The following FER variants were observed in gnomAD, a reference collection of about 807,000 sequenced individuals.
The protein encoded by FER is tyrosine-protein kinase Fer.
In FER, 63 loss-of-function variants were observed where a neutral mutation model predicts 111.0. That is an observed-to-expected ratio of 0.57 (90% CI 0.46 to 0.70). The LOEUF (loss-of-function observed/expected upper bound fraction) is 0.70, where lower values mean the gene tolerates loss of function less well. Among genes scored for constraint, FER ranks in the 30% least tolerant of loss-of-function variants. The probability of loss-of-function intolerance (pLI) is 0.00; values close to 1 mark genes in which losing one functional copy is unlikely to be tolerated. For missense variants in FER, 914 were observed against 954.0 expected (o/e 0.96, Z 0.55); for synonymous variants, 327 against 313.9 (o/e 1.04, Z -0.44).
intron 6 of FER, 62 bp from the exon 7 acceptor site, chr5:108,871,303 T>C (rs1764576367): frequency 7.3e-7 from 1 of 1,372,486 alleles, no homozygotes; most frequent in Admixed American, 1.9e-5. Context: ...TGAATCCTTT[T>C]TGAGATAGTA....
At chr5:108,933,940 A>G (rs1440412878) in intron 10 of FER, among the ~76,000 whole-genome samples, 2 of 152,120 alleles carry the variant, frequency 1.3e-5, no homozygotes, top group Non-Finnish European at 1.5e-5. Flanking sequence ...TGATTTTTGT[A>G]CACTGATTTT....
chr5:109,075,381 A>G (rs1311506736), intron 16 of FER, among the ~76,000 whole-genome samples: 1 of 151,712 alleles, frequency 6.6e-6, no homozygotes, highest in African/African-American at 2.4e-5. Flanking sequence ...ATTATTTTCT[A>G]GATTGTTTCT....
intron 3 of FER, among the ~76,000 whole-genome samples, chr5:108,826,200 A>G (rs960933364): frequency 2.6e-5 from 4 of 152,320 alleles, no homozygotes; most frequent in Admixed American, 1.3e-4. Flanking sequence ...GAAGTTATTC[A>G]TTATTCTGTT....
intron 16 of FER, chr5:109,052,226 A>G (rs1772935203): frequency 6.2e-7 from 1 of 1,607,596 alleles, no homozygotes; most frequent in Admixed American, 1.7e-5. Flanking sequence ...TGCAGGACCC[A>G]GAAGCGCACA....
chr5:109,138,889 T>C (rs1753197406), intron 17 of FER, among the ~76,000 whole-genome samples: 1 of 152,166 alleles, frequency 6.6e-6, no homozygotes, highest in South Asian at 2.1e-4. Flanking sequence ...AAATTCTTGA[T>C]ATGACAGGGT....
In FER at chr5:108,865,960, A is replaced by C. The variant is rs545625480; in HGVS notation, c.482-1807A>C. Reference sequence around the variant, plus strand: ...AACAGGTGCTGGAGAGGATGTGGAGAAATAGGAACACTTTTACACTGTTGG... The same window carrying C: ...AACAGGTGCTGGAGAGGATGTGGAGCAATAGGAACACTTTTACACTGTTGG... On this transcript the variant is annotated intron_variant, in intron 5 of 19. Transcript: ENST00000281092. 3.4e-3 allele frequency among the ~76,000 whole-genome samples: 521 copies of C among 152,296 alleles called. 3 individuals are homozygous for C. The highest frequency in any genetic ancestry group is 0.011 in the African/African-American group (475 of 41,558).
At chr5:109,049,046 C>T (rs900873825) in intron 16 of FER, among the ~76,000 whole-genome samples, 2 of 152,120 alleles carry the variant, frequency 1.3e-5, no homozygotes, top group East Asian at 1.9e-4. Flanking sequence ...TATCCTTGGA[C>T]TCACTGTAAG....
At chr5:109,174,220 C>T (rs537556816) in intron 17 of FER, among the ~76,000 whole-genome samples, 6 of 152,214 alleles carry the variant, frequency 3.9e-5, no homozygotes, top group African/African-American at 1.4e-4. Context: ...GAGTGGAAAA[C>T]ACAGTGAGAT....
intron 17 of FER, among the ~76,000 whole-genome samples, chr5:109,151,350 A>C (rs775933617): frequency 6.6e-6 from 1 of 152,138 alleles, no homozygotes; most frequent in Non-Finnish European, 1.5e-5. Flanking sequence ...TTAAATTTTC[A>C]CTCCAAAGAC....
At chr5:108,786,002 C>G (rs1301138212) in intron 2 of FER, among the ~76,000 whole-genome samples, 1 of 152,216 alleles carries the variant, frequency 6.6e-6, no homozygotes, top group African/African-American at 2.4e-5. Flanking sequence ...GCCATCTTGT[C>G]TGGACCACAA....
chr5:108,964,712 C>T (rs955035600), intron 13 of FER, among the ~76,000 whole-genome samples: 6 of 152,072 alleles, frequency 3.9e-5, no homozygotes, highest in African/African-American at 9.7e-5. Flanking sequence ...TAAAATTTTA[C>T]AAGTTTTCAT....
chr5:108,772,871 G>A (rs931578345), intron 2 of FER, among the ~76,000 whole-genome samples: 53 of 152,180 alleles, frequency 3.5e-4, no homozygotes, highest in African/African-American at 1.3e-3. Flanking sequence ...TTATAAAGCA[G>A]TAGCAGTCTA....
intron 13 of FER, among the ~76,000 whole-genome samples, chr5:108,982,349 A>G (rs1762101547): frequency 6.6e-6 from 1 of 152,146 alleles, no homozygotes; most frequent in Non-Finnish European, 1.5e-5. Context: ...AAGCACGTGC[A>G]TTCTACCTTT....
At chr5:108,838,126 A>G (rs565241625) in intron 5 of FER, among the ~76,000 whole-genome samples, 2 of 152,192 alleles carry the variant, frequency 1.3e-5, no homozygotes, top group Non-Finnish European at 2.9e-5. Context: ...TGAAAAATTT[A>G]TGTTTCAAAC....
intron 1 of FER, chr5:108,748,701 A>G (rs1159719777): frequency 2.0e-5 from 3 of 152,260 alleles, no homozygotes; most frequent in African/African-American, 7.2e-5. Context: ...AGCTTGGGCT[A>G]AGCGTGCGCC....
At chr5:108,934,809 A>T (rs1346520971) in intron 10 of FER, among the ~76,000 whole-genome samples, 1 of 152,126 alleles carries the variant, frequency 6.6e-6, no homozygotes. Flanking sequence ...TATCTTTGGG[A>T]CTACAGCTAT....
chr5:109,062,328 A>G (rs1774522233), intron 16 of FER, among the ~76,000 whole-genome samples: 1 of 152,084 alleles, frequency 6.6e-6, no homozygotes, highest in South Asian at 2.1e-4. Flanking sequence ...GTTCAAGACC[A>G]GCCTGCCCAA....
intron 8 of FER, among the ~76,000 whole-genome samples, chr5:108,875,877 TTATTA>T (rs1765043230): frequency 1.3e-5 from 2 of 152,234 alleles, no homozygotes; most frequent in South Asian, 4.1e-4. Flanking sequence ...TGAGGTCTCT[TTATTA>T]TAAGGTGTTA....
chr5:109,175,543 G>T (rs373196255), intron 17 of FER, among the ~76,000 whole-genome samples: 1 of 152,106 alleles, frequency 6.6e-6, no homozygotes, highest in Non-Finnish European at 1.5e-5. Flanking sequence ...TCTAGGCAAA[G>T]GTTTTATGGC....
Sources: allele counts gnomAD v4.1 joint callset (sites outside exome capture counted in the v4.1 genomes callset), GRCh38; gene constraint gnomAD v4.1.1; transcripts MANE v1.5; gene names NCBI Gene and HGNC (gene_info 2026-07-23, HGNC 2026-07-21).